The following PCDHA2 variants were observed in gnomAD, a reference collection of about 807,000 sequenced individuals.
PCDHA2 encodes protocadherin alpha 2, also known as protocadherin alpha-2.
Under a neutral mutation model 66.0 loss-of-function variants are expected in PCDHA2, and 58 were observed. That is an observed-to-expected ratio of 0.88 (90% CI 0.71 to 1.09). The LOEUF (loss-of-function observed/expected upper bound fraction) is 1.09, where lower values mean the gene tolerates loss of function less well. Ranked by LOEUF, PCDHA2 falls within the 50% of genes least tolerant of loss-of-function variation. PCDHA2 has a pLI of 0.00. For synonymous variants in PCDHA2, 634 were observed against 554.0 expected, an observed-to-expected ratio of 1.14 and a Z score of -2.03; for missense variants, 1,267 against 1,242.3, an observed-to-expected ratio of 1.02 and a Z score of -0.30.
intron 1 of PCDHA2, chr5:140,829,494 A>G (rs1366081374): frequency 1.9e-6 from 3 of 1,613,224 alleles, no homozygotes; most frequent in Admixed American, 3.3e-5. Flanking sequence ...AAGGAGAACA[A>G]CCCGCCGGGC....
intron 1 of PCDHA2, chr5:140,843,178 C>T (rs1188166294): frequency 6.3e-7 from 1 of 1,595,986 alleles, no homozygotes; most frequent in Non-Finnish European, 8.6e-7. Context: ...GCAGCCCTCG[C>T]ATCCCGTTCC....
Position 140,795,975 on chromosome 5 carries a change from A to G in PCDHA2, c.1011A>G (p.Ser337=). The change falls in exon 1 of 4, where the codon TCA becomes TCG. Residue 337 remains serine, a synonymous_variant. Transcript: ENST00000526136. ...TPSMSGHCKI[S]LKLVDINDNT... ...CAATGTCAGGACATTGTAAAATTTCATTAAAACTTGTGGACATCAATGATA... is the reference window on the plus strand; with the variant it reads ...CAATGTCAGGACATTGTAAAATTTCGTTAAAACTTGTGGACATCAATGATA... 6.2e-7 allele frequency: 1 copy of G among 1,614,162 alleles called. No individual in the cohort carries two copies. The highest frequency in any genetic ancestry group is 8.5e-7 in the Non-Finnish European group (1 of 1,180,014).
rs114370861 is a variant in PCDHA2 at position 140,845,840 on chromosome 5, G to A, written c.2388+48488G>A. 5.2e-3 allele frequency among the ~76,000 whole-genome samples: 775 copies of A among 149,794 alleles called. 45 individuals are homozygous for A. Among genetic ancestry groups the A allele is most frequent in the African/African-American group, 0.018 (745 of 40,934 alleles). On this transcript the variant is annotated intron_variant, in intron 1 of 3. Transcript: ENST00000526136. The stretch of plus-strand genomic sequence containing the variant: ...AAAATTTAGTTATTACCATTCTTAA[G>A]AGAAAAGAAGTTAGTGATTGCAGAA...
At position 140,843,072 on chromosome 5, in the gene PCDHA2, C is replaced by G. The variant is rs2150351828; in HGVS notation, c.2388+45720C>G. 29 of 1,595,290 alleles carry G rather than the reference C, an allele frequency of 1.8e-5. 2 individuals carry two copies. Among genetic ancestry groups the G allele is most frequent in the Middle Eastern group, 1.7e-4 (1 of 5,908 alleles). On this transcript the variant is annotated intron_variant, in intron 1 of 3. Transcript: ENST00000526136. ...GCAGCGAGCAAGCTGGTGCCGCGGTCTGTGGGCGCGGGCCACGTGGTAGCG... is the reference window on the plus strand; with the variant it reads ...GCAGCGAGCAAGCTGGTGCCGCGGTGTGTGGGCGCGGGCCACGTGGTAGCG...
At chr5:140,841,406 G>C (rs2150314785) in intron 1 of PCDHA2, 3 of 1,613,082 alleles carry the variant, frequency 1.9e-6, no homozygotes, top group Non-Finnish European at 1.7e-6. Context: ...GGTGGGGAGC[G>C]GCCAGCTCCA....
At chr5:140,917,262 T>C (rs1222739469) in intron 1 of PCDHA2, among the ~76,000 whole-genome samples, 1 of 151,720 alleles carries the variant, frequency 6.6e-6, no homozygotes, top group Middle Eastern at 3.2e-3. Context: ...CACCTGATGT[T>C]TGGTTTTTGT....
At chr5:140,864,271 A>T (rs2048397543) in intron 1 of PCDHA2, 1 of 152,134 alleles carries the variant, frequency 6.6e-6, no homozygotes, top group African/African-American at 2.4e-5. Context: ...TGTGTCCTCC[A>T]TTCCTTATTG....
rs1554119451 is a variant in PCDHA2 at position 140,795,478 on chromosome 5, C to T, written c.514C>T (p.Leu172Phe). The T allele has an allele frequency of 6.2e-7, 1 of 1,614,158 alleles. No individual in the cohort carries two copies. Among genetic ancestry groups the T allele is most frequent in the South Asian group, 1.1e-5 (1 of 91,078 alleles). The change falls in exon 1 of 4, where the codon CTC (leucine) becomes TTC (phenylalanine). Residue 172 changes from leucine (L) to phenylalanine (F), a missense_variant. Physicochemically the swap from Leu to Phe is conservative, Grantham distance 22. Transcript: ENST00000526136. ...AGTAAATGCTCTTCTCTCCTACAAGCTCAGCTCCAGTGAGTTTTTCTTCCT... is the reference window on the plus strand; with the variant it reads ...AGTAAATGCTCTTCTCTCCTACAAGTTCAGCTCCAGTGAGTTTTTCTTCCT... ...IGVNALLSYK[L>F]SSSEFFFLDI...
At chr5:140,856,471 A>G (rs782438318) in intron 1 of PCDHA2, 6 of 1,597,856 alleles carry the variant, frequency 3.8e-6, no homozygotes, top group South Asian at 2.2e-5. Flanking sequence ...AGCTCTCAAT[A>G]CCTGAATCCA....
At chr5:140,822,826 A>G in intron 1 of PCDHA2, 3 of 1,614,232 alleles carry the variant, frequency 1.9e-6, no homozygotes, top group Non-Finnish European at 2.5e-6. Context: ...AGAGATGGCC[A>G]TAACCACCCT....
intron 1 of PCDHA2, chr5:140,810,045 GT>G: frequency 6.5e-6 from 1 of 154,226 alleles, no homozygotes; most frequent in Non-Finnish European, 1.4e-5. Flanking sequence ...TTTTATAACT[GT>G]TTGTTCGGGG....
intron 1 of PCDHA2, chr5:140,834,141 GT>G (rs1772814209): frequency 2.0e-6 from 1 of 506,492 alleles, no homozygotes; most frequent in Non-Finnish European, 3.5e-6. Flanking sequence ...CTGATTAATA[GT>G]TTGTAATGGT....
At chr5:140,915,446 GT>G (rs2077122918) in intron 1 of PCDHA2, among the ~76,000 whole-genome samples, 1 of 152,184 alleles carries the variant, frequency 6.6e-6, no homozygotes, top group African/African-American at 2.4e-5. Flanking sequence ...TCTTGAGAAG[GT>G]TTTCCAGAAG....
chr5:141,002,494 C>CGGT (rs2098083464), intron 3 of PCDHA2, among the ~76,000 whole-genome samples: 1 of 152,228 alleles, frequency 6.6e-6, no homozygotes, highest in Admixed American at 6.5e-5. Flanking sequence ...CCTTGTTATA[C>CGGT]AGCTCAGGAT....
chr5:140,808,132 C>T (rs781898049), intron 1 of PCDHA2: 1 of 1,614,014 alleles, frequency 6.2e-7, no homozygotes, highest in South Asian at 1.1e-5. Flanking sequence ...AAAGCAAATC[C>T]TATGAAATTA....
intron 1 of PCDHA2, 22 bp from the exon 2 acceptor site, chr5:140,978,924 GAAA>G (rs781894146): frequency 6.2e-7 from 1 of 1,614,012 alleles, no homozygotes; most frequent in East Asian, 2.2e-5. Flanking sequence ...CATTTTAACA[GAAA>G]ACTCTCTTTG....
intron 3 of PCDHA2, among the ~76,000 whole-genome samples, chr5:140,986,934 C>T (rs1379562819): frequency 6.6e-6 from 1 of 152,160 alleles, no homozygotes; most frequent in East Asian, 1.9e-4. Flanking sequence ...AGGATGGAGG[C>T]TGGGTGTGGT....
At chr5:140,856,015 G>T (rs781811609) in intron 1 of PCDHA2, 3 of 1,550,260 alleles carry the variant, frequency 1.9e-6, no homozygotes, top group Non-Finnish European at 2.6e-6. Flanking sequence ...CTAGACCGCT[G>T]ATTCGTCGAT....
At chr5:140,934,695 T>G (rs155824) in intron 1 of PCDHA2, among the ~76,000 whole-genome samples, 48,210 of 151,950 alleles carry the variant, frequency 0.32, 7,985 homozygotes, top group East Asian at 0.53. Flanking sequence ...ATGAATTGAT[T>G]CCTGGCCATC....
Sources: gnomAD v4.1 joint callset for allele counts (sites outside exome capture counted in the v4.1 genomes callset) on GRCh38, gnomAD v4.1.1 for gene constraint, MANE v1.5 for transcripts, NCBI Gene and HGNC (gene_info 2026-07-23, HGNC 2026-07-21) for gene names.